PRRG1: variants seen among roughly 807,000 people sequenced by gnomAD.
PRRG1 encodes the protein transmembrane gamma-carboxyglutamic acid protein 1.
A neutral mutation model predicts 11.8 loss-of-function variants in PRRG1; 5 were observed. The observed-to-expected ratio is 0.42, with a 90% CI of 0.22 to 0.89. The LOEUF (loss-of-function observed/expected upper bound fraction) is 0.89. Among genes scored for constraint, PRRG1 ranks in the 40% least tolerant of loss-of-function variants. The pLI, the probability that PRRG1 is intolerant of heterozygous loss-of-function variation, is 0.28. For missense variants in PRRG1, 155 were observed against 166.1 expected, an observed-to-expected ratio of 0.93 and a Z score of 0.37; for synonymous variants, 66 against 60.4, an observed-to-expected ratio of 1.09 and a Z score of -0.43.
Position 37,454,175 on chromosome X carries a change from T to C in PRRG1, c.*554T>C, listed in dbSNP as rs1293089273. 2 of 112,380 alleles carry C rather than the reference T, an allele frequency of 1.8e-5. No homozygotes were observed. The highest frequency in any genetic ancestry group is 3.8e-5 in the Non-Finnish European group (2 of 53,276). The allele number at this position is 112,380 out of a possible 1,213,427, so 9.3% of individuals were successfully genotyped here. A position where few individuals can be genotyped will look rare whatever the true frequency, so the allele number is the denominator to read the frequency against. On this transcript the variant is annotated 3_prime_UTR_variant, in exon 4 of 4. Transcript: ENST00000378628. ...TTACACATAGTCATTCTTGATGTTA[T>C]AAATAGAGAAAAAGTGTGTGTGAGC...
chrX:37,441,390 G>A, intron 3 of PRRG1: 1 of 754,644 alleles, frequency 1.3e-6, no homozygotes, highest in Non-Finnish European at 1.6e-6. Flanking sequence ...CACTGAAAAG[G>A]AATGCATCCC....
At position 37,453,140 on chromosome X, in the gene PRRG1, A is replaced by C; in HGVS notation, c.176A>C (p.Glu59Ala). 1 of 1,196,305 alleles carries C rather than the reference A, an allele frequency of 8.4e-7. No individual in the cohort carries two copies. The highest frequency in any genetic ancestry group is 1.1e-6 in the Non-Finnish European group (1 of 885,475). The change falls in exon 4 of 4, where the codon GAG becomes GCG. Residue 59 changes from glutamate (E) to alanine (A), a missense_variant. Coordinates refer to ENST00000378628, the MANE Select transcript of PRRG1 (RefSeq NM_001142395.2). ...EAFENNEKTK[E>A]FWSTYTKAQQ... The stretch of plus-strand genomic sequence containing the variant: ...TATTTTGTATTGTATTTTCAGAAGG[A>C]GTTTTGGAGCACCTACACAAAAGCG...
chrX:37,406,159 C>T, intron 1 of PRRG1, 50 bp from the exon 2 acceptor site: 1 of 1,125,456 alleles, frequency 8.9e-7, no homozygotes, highest in Admixed American at 2.2e-5. Flanking sequence ...CTGATGTAGC[C>T]ACTCAGCCTC....
chrX:37,408,335 T>A (rs1326772199), intron 2 of PRRG1, among the ~76,000 whole-genome samples: 2 of 112,037 alleles, frequency 1.8e-5, no homozygotes, highest in Non-Finnish European at 3.8e-5. Flanking sequence ...GCCAGTTATA[T>A]GAGGAGGCTG....
intron 1 of PRRG1, among the ~76,000 whole-genome samples, chrX:37,350,287 A>C (rs1212833604): frequency 1.8e-5 from 2 of 111,966 alleles, no homozygotes; most frequent in Non-Finnish European, 3.8e-5. Context: ...AGCGAAACTA[A>C]TGGGATTTGA....
Position 37,451,596 on chromosome X carries a change from C to T in PRRG1, c.172-1540C>T, listed in dbSNP as rs187452902. Reference sequence around the variant, plus strand: ...TTCTTCTTTGGGCTTTTTTAAATATCGAATCTTGCATATTTTCATCTGGAT... The same window carrying T: ...TTCTTCTTTGGGCTTTTTTAAATATTGAATCTTGCATATTTTCATCTGGAT... On this transcript the variant is annotated intron_variant, in intron 3 of 3. Coordinates refer to ENST00000378628, the MANE Select transcript of PRRG1 (RefSeq NM_001142395.2). Among the ~76,000 whole-genome samples, 477 of 111,311 alleles carry T rather than the reference C, an allele frequency of 4.3e-3. 4 individuals are homozygous for T. The highest frequency in any genetic ancestry group is 0.015 in the African/African-American group (455 of 30,687).
At chrX:37,370,045 C>G (rs1556370402) in intron 1 of PRRG1, among the ~76,000 whole-genome samples, 1 of 111,081 alleles carries the variant, frequency 9.0e-6, no homozygotes, top group African/African-American at 3.3e-5. Context: ...CTCTCTGCTT[C>G]TATTAGTTCA....
chrX:37,450,396 A>G (rs1170478472), intron 3 of PRRG1, among the ~76,000 whole-genome samples: 1 of 112,088 alleles, frequency 8.9e-6, no homozygotes, highest in Non-Finnish European at 1.9e-5. Flanking sequence ...TTACTAATTC[A>G]GTTTTTGCCT....
chrX:37,369,275 C>G (rs995950917), intron 1 of PRRG1, among the ~76,000 whole-genome samples: 7 of 111,768 alleles, frequency 6.3e-5, no homozygotes, highest in African/African-American at 2.0e-4. Flanking sequence ...TTTCACACTT[C>G]AGTGATATTT....
intron 3 of PRRG1, among the ~76,000 whole-genome samples, chrX:37,449,163 G>C (rs1360704106): frequency 9.0e-6 from 1 of 111,293 alleles, no homozygotes; most frequent in African/African-American, 3.3e-5. Context: ...GCAGCTTTTG[G>C]AGTTAGGATT....
At chrX:37,362,171 A>G in intron 1 of PRRG1, among the ~76,000 whole-genome samples, 1 of 112,367 alleles carries the variant, frequency 8.9e-6, no homozygotes, top group Non-Finnish European at 1.9e-5. Context: ...TGCATTAAAT[A>G]TGAACTATAG....
chrX:37,432,092 G>GTT (rs782183502), intron 3 of PRRG1, among the ~76,000 whole-genome samples: 16 of 96,121 alleles, frequency 1.7e-4, no homozygotes, highest in East Asian at 3.2e-4. Flanking sequence ...GGTGAACAAT[G>GTT]TTTTTTTTTT....
At chrX:37,384,058 G>C (rs1425619379) in intron 1 of PRRG1, among the ~76,000 whole-genome samples, 3 of 109,543 alleles carry the variant, frequency 2.7e-5, no homozygotes, top group Non-Finnish European at 5.7e-5. Flanking sequence ...ATGTAGGCTT[G>C]TGAGGTTAAA....
chrX:37,428,663 C>T (rs1932797189), intron 3 of PRRG1, among the ~76,000 whole-genome samples: 1 of 111,792 alleles, frequency 8.9e-6, no homozygotes, highest in South Asian at 3.8e-4. Context: ...TCTAGGCACA[C>T]GGTGCAAGCT....
rs1317579578 is a variant in PRRG1, at chrX:37,445,779, C to T, written c.172-7357C>T. Among the ~76,000 whole-genome samples, 4 of 112,655 alleles carry T rather than the reference C, an allele frequency of 3.6e-5. 1 individual carries two copies. The highest frequency in any genetic ancestry group is 7.5e-5 in the Non-Finnish European group (4 of 53,337). ...GGTTGGAAACAATATGGCCTAAAAG[C>T]ATATGGCCTAGAAGCCAAATATAGC... On this transcript the variant is annotated intron_variant, in intron 3 of 3. Coordinates refer to ENST00000378628, the MANE Select transcript of PRRG1 (RefSeq NM_001142395.2).
At chrX:37,350,842 T>G (rs1056959264) in intron 1 of PRRG1, among the ~76,000 whole-genome samples, 2 of 110,053 alleles carry the variant, frequency 1.8e-5, no homozygotes, top group African/African-American at 6.6e-5. Context: ...AGGCATGAGG[T>G]GAACAGGATT....
chrX:37,451,608 A>G lies in PRRG1; in HGVS notation c.172-1528A>G, dbSNP rs782042833. ...CTTTTTTAAATATCGAATCTTGCATATTTTCATCTGGATTTTTAGGTGAAA... is the reference window on the plus strand; with the variant it reads ...CTTTTTTAAATATCGAATCTTGCATGTTTTCATCTGGATTTTTAGGTGAAA... On this transcript the variant is annotated intron_variant, in intron 3 of 3. Transcript: ENST00000378628. Among the ~76,000 whole-genome samples the G allele has an allele frequency of 2.7e-5, 3 of 111,205 alleles. No homozygotes were observed. In the South Asian group the frequency reaches 1.1e-3, roughly 41 times the overall value.
intron 1 of PRRG1, among the ~76,000 whole-genome samples, chrX:37,404,460 TGG>T (rs1199587414): frequency 8.9e-6 from 1 of 111,950 alleles, no homozygotes; most frequent in East Asian, 2.8e-4. Flanking sequence ...AGATGACACT[TGG>T]GAAGGGTGAG....
chrX:37,403,478 G>C (rs1380337070), intron 1 of PRRG1, among the ~76,000 whole-genome samples: 2 of 67,935 alleles, frequency 2.9e-5, no homozygotes, highest in Non-Finnish European at 5.2e-5. Flanking sequence ...GGGGACTGTT[G>C]TGGGGTGGGG....
Sources: allele counts gnomAD v4.1 joint callset (sites outside exome capture counted in the v4.1 genomes callset), GRCh38; gene constraint gnomAD v4.1.1; transcripts MANE v1.5; gene names NCBI Gene and HGNC (gene_info 2026-07-23, HGNC 2026-07-21).